ACOT7: variants seen among roughly 807,000 people sequenced by gnomAD.
ACOT7 encodes the protein acyl-CoA thioesterase 7.
ACOT7 carries 12 observed loss-of-function variants against 40.2 expected under a neutral mutation model. The ratio of observed to expected loss-of-function variants is 0.30; its 90% CI spans 0.19 to 0.48. The LOEUF (loss-of-function observed/expected upper bound fraction) is 0.48. Ranked by LOEUF, ACOT7 falls within the 20% of genes least tolerant of loss-of-function variation. The pLI, the probability that ACOT7 is intolerant of heterozygous loss-of-function variation, is 0.99. For missense variants in ACOT7, 395 were observed against 530.8 expected, an observed-to-expected ratio of 0.74 and a Z score of 2.51; for synonymous variants, 228 against 219.5, an observed-to-expected ratio of 1.04 and a Z score of -0.34.
intron 5 of ACOT7, among the ~76,000 whole-genome samples, chr1:6,322,113 G>A (rs1557649714): frequency 6.6e-6 from 1 of 152,190 alleles, no homozygotes. Flanking sequence ...AGGATGTCGG[G>A]GCCCCCAGGG....
intron 4 of ACOT7, among the ~76,000 whole-genome samples, chr1:6,328,017 C>A (rs772606996): frequency 2.6e-4 from 39 of 152,136 alleles, no homozygotes; most frequent in Non-Finnish European, 4.9e-4. Context: ...TGCGATCTGC[C>A]CGCCTCAGCC....
intron 2 of ACOT7, among the ~76,000 whole-genome samples, chr1:6,348,215 C>A (rs1379963761): frequency 6.6e-6 from 1 of 152,154 alleles, no homozygotes; most frequent in African/African-American, 2.4e-5. Flanking sequence ...AAACCAGGCA[C>A]TGCCAGCAAA....
intron 7 of ACOT7, 31 bp from the exon 8 acceptor site, chr1:6,281,317 G>A (rs751397081): frequency 1.8e-5 from 28 of 1,590,680 alleles, no homozygotes; most frequent in South Asian, 3.3e-5. Context: ...GGGTCAGGGC[G>A]GCCTCCACCC....
chr1:6,268,530 G>T (rs900783875), intron 8 of ACOT7, among the ~76,000 whole-genome samples: 13 of 152,346 alleles, frequency 8.5e-5, no homozygotes, highest in African/African-American at 2.9e-4. Flanking sequence ...GCGGTGGGCT[G>T]CGGGCAGAGC....
chr1:6,342,004 G>A (rs1641290414), intron 2 of ACOT7, among the ~76,000 whole-genome samples: 1 of 152,306 alleles, frequency 6.6e-6, no homozygotes, highest in East Asian at 1.9e-4. Flanking sequence ...CTACCCTGGG[G>A]ATCATCCTCT....
rs1294145987 is a variant in ACOT7, at chr1:6,359,585, G to C, written c.144-9719C>G. Among the ~76,000 whole-genome samples the C allele has an allele frequency of 1.3e-5, 2 of 152,048 alleles. No homozygotes were observed. Among genetic ancestry groups the C allele is most frequent in the African/African-American group, 2.4e-5 (1 of 41,382 alleles). ...CTGCCGGCTGCCACCTGTGGGCCCT[G>C]TGCCCCCCAACCCGTACTCTCTTCA... On this transcript the variant is annotated intron_variant, in intron 1 of 8. Transcript: ENST00000361521. The surrounding 1 kb of genome is among the most constrained non-coding windows in gnomAD (Gnocchi z 4.1).
In ACOT7 at chr1:6,311,943, G is replaced by A. The variant is rs1193984458; in HGVS notation, c.712+6549C>T. 6.6e-6 allele frequency among the ~76,000 whole-genome samples: 1 copy of A among 152,186 alleles called. No individual in the cohort carries two copies. Among genetic ancestry groups the A allele is most frequent in the Non-Finnish European group, 1.5e-5 (1 of 68,036 alleles). Reference sequence around the variant, plus strand: ...TGTCGGGTGGGGTCTGGGTGTCTGTGGTTTTAAGAGTTCCCCAAGTGACCT... The same window carrying A: ...TGTCGGGTGGGGTCTGGGTGTCTGTAGTTTTAAGAGTTCCCCAAGTGACCT... On this transcript the variant is annotated intron_variant, in intron 6 of 8. Transcript: ENST00000361521. This position sits in a 1 kb window ranked among gnomAD's most constrained non-coding sequence, Gnocchi z 5.2.
At chr1:6,385,634 A>G (rs1642425238) in intron 1 of ACOT7, 4 of 1,612,092 alleles carry the variant, frequency 2.5e-6, no homozygotes, top group Non-Finnish European at 3.4e-6. Flanking sequence ...TCCCAAACTC[A>G]CAGAGCCGGA....
In ACOT7 at chr1:6,294,104, A is replaced by C. The variant is rs574509317; in HGVS notation, c.829+760T>G. 1.3e-5 allele frequency among the ~76,000 whole-genome samples: 2 copies of C among 152,364 alleles called. No homozygotes were observed. The highest frequency in any genetic ancestry group is 4.8e-5 in the African/African-American group (2 of 41,598). On this transcript the variant is annotated intron_variant, in intron 7 of 8. Transcript: ENST00000361521. The surrounding 1 kb of genome is among the most constrained non-coding windows in gnomAD (Gnocchi z 4.6). ...TTAATGAGGTGGTGTCCTCAGAATC[A>C]GCACCAGGCCCTGACGATGCTGACA...
Position 6,358,323 on chromosome 1 carries a change from G to A in ACOT7, c.144-8457C>T, listed in dbSNP as rs1037886566. Among the ~76,000 whole-genome samples, 8 of 152,140 alleles carry A rather than the reference G, an allele frequency of 5.3e-5. No individual in the cohort carries two copies. The highest frequency in any genetic ancestry group is 9.7e-5 in the African/African-American group (4 of 41,444). On this transcript the variant is annotated intron_variant, in intron 1 of 8. Transcript: ENST00000361521. The surrounding 1 kb of genome is among the most constrained non-coding windows in gnomAD (Gnocchi z 4.1). ...GCACTTGCAGGCCCCCAAGCAGGAC[G>A]GGGGAAGAGGCCAACAATGGCCCTG... is the stretch of plus-strand genomic sequence containing the variant.
At chr1:6,344,656 C>T (rs1233131832) in intron 2 of ACOT7, among the ~76,000 whole-genome samples, 1 of 147,592 alleles carries the variant, frequency 6.8e-6, no homozygotes, top group Non-Finnish European at 1.5e-5. Context: ...CACAGCTACT[C>T]GGGAGGCTGA....
chr1:6,360,437 G>A, intron 1 of ACOT7: 1 of 1,284,548 alleles, frequency 7.8e-7, no homozygotes, highest in Non-Finnish European at 1.1e-6. Flanking sequence ...ATCTTCCTGA[G>A]TAGCCGGCAT....
intron 1 of ACOT7, among the ~76,000 whole-genome samples, chr1:6,370,134 T>G (rs1291429050): frequency 6.6e-6 from 1 of 152,120 alleles, no homozygotes; most frequent in Non-Finnish European, 1.5e-5. Context: ...GAACTAATAG[T>G]TAAAAGGAGC....
chr1:6,393,164 C>T, intron 1 of ACOT7, 93 bp downstream of exon 1: 1 of 1,180,440 alleles, frequency 8.5e-7, no homozygotes, highest in Non-Finnish European at 1.0e-6. Context: ...GGGGCGGCCT[C>T]GGCGGGTGGG....
chr1:6,372,069 A>C (rs916892810), intron 1 of ACOT7, among the ~76,000 whole-genome samples: 1 of 151,474 alleles, frequency 6.6e-6, no homozygotes, highest in African/African-American at 2.4e-5. Flanking sequence ...GAAAAAACCT[A>C]TTGTGTAGCC....
At chr1:6,303,789 C>A (rs1217840796) in intron 6 of ACOT7, among the ~76,000 whole-genome samples, 1 of 152,126 alleles carries the variant, frequency 6.6e-6, no homozygotes, top group Non-Finnish European at 1.5e-5. Flanking sequence ...GTGGCTGGGA[C>A]CATGGACAGA....
At chr1:6,391,740 T>C (rs1174920502) in intron 1 of ACOT7, among the ~76,000 whole-genome samples, 2 of 152,118 alleles carry the variant, frequency 1.3e-5, no homozygotes, top group African/African-American at 4.8e-5. Context: ...ACACAGTTAC[T>C]CAACTCCCAA....
At position 6,352,677 on chromosome 1, in the gene ACOT7, C is replaced by T. The variant is rs372321716; in HGVS notation, c.144-2811G>A. ...CACGATCTTGGCTCACCGCAAGCTCCGCCTCCTGGGTTCTCCTGCCTCAGC... is the reference window on the plus strand; with the variant it reads ...CACGATCTTGGCTCACCGCAAGCTCTGCCTCCTGGGTTCTCCTGCCTCAGC... On this transcript the variant is annotated intron_variant, in intron 1 of 8. Coordinates refer to ENST00000361521, the MANE Select transcript of ACOT7 (RefSeq NM_007274.4). The surrounding 1 kb of genome is among the most constrained non-coding windows in gnomAD (Gnocchi z 4.5). Among the ~76,000 whole-genome samples the T allele has an allele frequency of 2.1e-3, 322 of 151,962 alleles. 1 individual carries two copies. Among genetic ancestry groups the T allele is most frequent in the African/African-American group, 7.2e-3 (300 of 41,478 alleles).
intron 8 of ACOT7, among the ~76,000 whole-genome samples, chr1:6,273,145 G>A (rs1002672834): frequency 1.3e-5 from 2 of 152,228 alleles, no homozygotes; most frequent in African/African-American, 4.8e-5. Flanking sequence ...TACCAGTGCC[G>A]CTCAGAAGGG....
Sources: allele counts gnomAD v4.1 joint callset (sites outside exome capture counted in the v4.1 genomes callset), GRCh38; gene constraint gnomAD v4.1.1; non-coding constraint Gnocchi (gnomAD v3.1); transcripts MANE v1.5; gene names NCBI Gene and HGNC (gene_info 2026-07-23, HGNC 2026-07-21).